Variants in USP3 observed in about 807,000 individuals in gnomAD.
USP3 encodes the protein ubiquitin carboxyl-terminal hydrolase 3.
Under a neutral mutation model 72.3 loss-of-function variants are expected in USP3, and 20 were observed. That is an observed-to-expected ratio of 0.28 (90% CI 0.19 to 0.40). The LOEUF (loss-of-function observed/expected upper bound fraction) is 0.40. Among genes scored for constraint, USP3 ranks in the 10% least tolerant of loss-of-function variants. USP3 has a pLI of 1.00. For synonymous variants in USP3, 222 were observed against 225.3 expected, an observed-to-expected ratio of 0.99 and a Z score of 0.13; for missense variants, 479 against 633.9, an observed-to-expected ratio of 0.76 and a Z score of 2.62.
intron 1 of USP3, among the ~76,000 whole-genome samples, chr15:63,510,357 C>T (rs910335297): frequency 4.6e-5 from 7 of 151,972 alleles, no homozygotes; most frequent in African/African-American, 1.4e-4. Flanking sequence ...CTTTTCTCCC[C>T]TTCTTGAGCT....
At chr15:63,523,065 G>C (rs182742580) in intron 1 of USP3, among the ~76,000 whole-genome samples, 14 of 152,144 alleles carry the variant, frequency 9.2e-5, no homozygotes, top group Non-Finnish European at 1.2e-4. Context: ...CATTAGATAC[G>C]TAAAATTTAA....
Position 63,570,570 on chromosome 15 carries a change from A to G in USP3, c.899A>G (p.Lys300Arg), listed in dbSNP as rs1403663586. The change falls in exon 9 of 15, where the codon AAG (lysine) becomes AGG (arginine). Residue 300 changes from lysine to arginine, a missense_variant. By Grantham distance (26) the Lys-to-Arg change is conservative. Coordinates refer to ENST00000380324, the MANE Select transcript of USP3 (RefSeq NM_006537.4). The surrounding 1 kb of genome is among the most constrained non-coding windows in gnomAD (Gnocchi z 4.4). The stretch of plus-strand genomic sequence containing the variant: ...AATTCTACTCTGTCTGCAAGTAACA[A>G]GTGTTGCATGTAAGATTTAGTTGCC... ...QENSTLSASN[K>R]CCINGASTVV... 1.9e-6 allele frequency: 3 copies of G among 1,610,686 alleles called. No individual in the cohort carries two copies. Among genetic ancestry groups the G allele is most frequent in the East Asian group, 2.2e-5 (1 of 44,804 alleles).
At position 63,566,460 on chromosome 15, in the gene USP3, G is replaced by A. The variant is rs149531971; in HGVS notation, c.761+3452G>A. On this transcript the variant is annotated intron_variant, in intron 8 of 14. Coordinates refer to ENST00000380324, the MANE Select transcript of USP3 (RefSeq NM_006537.4). ...CTCAAGTAGCTGGGACTACAGGTGC[G>A]TGCCACCATACCTGGCTAATTTTTT... 6.8e-3 allele frequency among the ~76,000 whole-genome samples: 1,031 copies of A among 152,016 alleles called. 13 individuals carry two copies. Among genetic ancestry groups the A allele is most frequent in the African/African-American group, 0.024 (987 of 41,466 alleles).
intron 1 of USP3, among the ~76,000 whole-genome samples, chr15:63,516,925 T>A (rs1266779904): frequency 6.6e-6 from 1 of 151,724 alleles, no homozygotes; most frequent in Non-Finnish European, 1.5e-5. Flanking sequence ...CCCAATTTAT[T>A]CTTTTTTTTC....
intron 6 of USP3, among the ~76,000 whole-genome samples, chr15:63,559,598 A>AT (rs1376833648): frequency 6.6e-6 from 1 of 152,160 alleles, no homozygotes; most frequent in African/African-American, 2.4e-5. Context: ...AGAATTGGGG[A>AT]TTTTTTTGAA....
chr15:63,534,480 A>C (rs1338322441), intron 2 of USP3, among the ~76,000 whole-genome samples: 6 of 152,200 alleles, frequency 3.9e-5, no homozygotes, highest in African/African-American at 1.4e-4. Context: ...TGACATATGT[A>C]GTGAAATTTT....
chr15:63,514,170 T>C (rs898030242), intron 1 of USP3, among the ~76,000 whole-genome samples: 1 of 152,208 alleles, frequency 6.6e-6, no homozygotes, highest in Non-Finnish European at 1.5e-5. Flanking sequence ...GTTAGTTTCA[T>C]TTTATTTGCT....
chr15:63,580,890 C>T (rs1434168142), intron 11 of USP3, among the ~76,000 whole-genome samples: 1 of 151,670 alleles, frequency 6.6e-6, no homozygotes, highest in Non-Finnish European at 1.5e-5. Context: ...CTCACTGCAA[C>T]CTCCACTTCC....
At chr15:63,533,802 G>A (rs1452704696) in intron 2 of USP3, 1 of 1,212,342 alleles carries the variant, frequency 8.2e-7, no homozygotes, top group African/African-American at 1.6e-5. Flanking sequence ...GAAATCTCTA[G>A]GATTTGGGGA....
intron 9 of USP3, among the ~76,000 whole-genome samples, chr15:63,572,833 A>T (rs1488446534): frequency 6.6e-6 from 1 of 152,244 alleles, no homozygotes; most frequent in African/African-American, 2.4e-5. Context: ...GATAGCAAAC[A>T]ATTGAAAGAG....
chr15:63,538,397 G>A (rs1359887641), intron 3 of USP3, among the ~76,000 whole-genome samples: 1 of 152,048 alleles, frequency 6.6e-6, no homozygotes, highest in South Asian at 2.1e-4. Context: ...GTAGAGATGG[G>A]GATTTAGAGA....
chr15:63,532,572 A>T, intron 1 of USP3, 75 bp from the exon 2 acceptor site: 1 of 1,557,122 alleles, frequency 6.4e-7, no homozygotes, highest in Non-Finnish European at 8.9e-7. Context: ...TTTATAACTT[A>T]ATCACAGGAA....
At chr15:63,517,273 A>G (rs1037586348) in intron 1 of USP3, among the ~76,000 whole-genome samples, 2 of 152,140 alleles carry the variant, frequency 1.3e-5, no homozygotes, top group South Asian at 2.1e-4. Flanking sequence ...TAAAAATTTT[A>G]AGAGCTCTTT....
intron 14 of USP3, among the ~76,000 whole-genome samples, chr15:63,590,340 G>C (rs2067170767): frequency 6.6e-6 from 1 of 152,126 alleles, no homozygotes; most frequent in African/African-American, 2.4e-5. Flanking sequence ...TCTTTGTTAA[G>C]CTTAGTTTTT....
intron 4 of USP3, among the ~76,000 whole-genome samples, chr15:63,555,056 A>C (rs2066488784): frequency 6.6e-6 from 1 of 152,234 alleles, no homozygotes; most frequent in South Asian, 2.1e-4. Flanking sequence ...ATCAGAACTA[A>C]GTCAAAGGGA....
At chr15:63,566,685 A>G (rs2152676135) in intron 8 of USP3, among the ~76,000 whole-genome samples, 1 of 152,342 alleles carries the variant, frequency 6.6e-6, no homozygotes, top group Middle Eastern at 3.4e-3. Flanking sequence ...ATTTTAAAAT[A>G]CTATGCTATT....
chr15:63,584,133 T>C (rs2067013981), intron 11 of USP3, among the ~76,000 whole-genome samples: 1 of 144,818 alleles, frequency 6.9e-6, no homozygotes, highest in African/African-American at 2.6e-5. Flanking sequence ...AGTCTCGCTC[T>C]GTCGCGCAGG....
intron 2 of USP3, among the ~76,000 whole-genome samples, chr15:63,535,948 A>C (rs562876030): frequency 6.6e-6 from 1 of 152,230 alleles, no homozygotes; most frequent in Admixed American, 6.5e-5. Context: ...GCTGCTTTCT[A>C]GGAACTGGGA....
In USP3 at chr15:63,570,531, C is replaced by A; in HGVS notation, c.860C>A (p.Ala287Glu). 2.5e-6 allele frequency: 4 copies of A among 1,614,182 alleles called. No homozygotes were observed. In the South Asian group the frequency reaches 4.4e-5, roughly 18 times the overall value. ...GGTTTCAACGGTGTTTCCCGCTCAG[C>A]AATTCTGCAGGAGAATTCTACTCTG... is the stretch of plus-strand genomic sequence containing the variant. ...QGGFNGVSRS[A>E]ILQENSTLSA... Residue 287 changes from alanine (A) to glutamate (E), a missense_variant, in exon 9 of 15, where the codon GCA becomes GAA. Ala to Glu is a moderately radical substitution (Grantham distance 107). Coordinates refer to ENST00000380324, the MANE Select transcript of USP3 (RefSeq NM_006537.4). This position sits in a 1 kb window ranked among gnomAD's most constrained non-coding sequence, Gnocchi z 4.4.
Sources: gnomAD v4.1 joint callset for allele counts (sites outside exome capture counted in the v4.1 genomes callset) on GRCh38, gnomAD v4.1.1 for gene constraint, Gnocchi (gnomAD v3.1) non-coding constraint, MANE v1.5 for transcripts, NCBI Gene and HGNC (gene_info 2026-07-23, HGNC 2026-07-21) for gene names.